The following ADAMTS18 variants were observed in gnomAD, a reference collection of about 807,000 sequenced individuals.
ADAMTS18 encodes the protein A disintegrin and metalloproteinase with thrombospondin motifs 18.
Under a neutral mutation model 165.9 loss-of-function variants are expected in ADAMTS18, and 157 were observed. The ratio of observed to expected loss-of-function variants is 0.95; its 90% confidence interval spans 0.83 to 1.08. The LOEUF (loss-of-function observed/expected upper bound fraction) is 1.08. Ranked by LOEUF, ADAMTS18 falls within the 50% of genes least tolerant of loss-of-function variation. ADAMTS18 has a pLI of 0.00. For synonymous variants in ADAMTS18, 782 were observed against 578.2 expected (o/e 1.35, Z -5.06); for missense variants, 2,040 against 1,534.0 (o/e 1.33, Z -5.51).
At chr16:77,430,958 C>G (rs1344155847) in intron 3 of ADAMTS18, among the ~76,000 whole-genome samples, 1 of 152,142 alleles carries the variant, frequency 6.6e-6, no homozygotes, top group Non-Finnish European at 1.5e-5. Context: ...ACGCATGAAG[C>G]TTGTTAGATT....
chr16:77,334,693 A>ATG (rs2056264368), intron 12 of ADAMTS18, among the ~76,000 whole-genome samples: 1 of 93,106 alleles, frequency 1.1e-5, no homozygotes, highest in Admixed American at 1.2e-4. Context: ...ATATATATAT[A>ATG]GTATATATAT....
intron 22 of ADAMTS18, 69 bp downstream of exon 22, chr16:77,289,195 T>G (rs1398849746): frequency 1.3e-6 from 2 of 1,588,334 alleles, no homozygotes; most frequent in Admixed American, 1.7e-5. Flanking sequence ...GCTGCACTAC[T>G]AACAAAGTAG....
At position 77,434,750 on chromosome 16, in the gene ADAMTS18, C is replaced by G. The variant is rs886198469; in HGVS notation, c.-55G>C. On this transcript the variant is annotated 5_prime_UTR_variant, in exon 1 of 23. Transcript: ENST00000282849. ...GGCCAGACGCGGCAGGCGGAGCGCA[C>G]GGGCGGCGCGCATTCTTTCCGCGGC... The G allele has an allele frequency of 6.0e-6, 8 of 1,336,290 alleles. No individual in the cohort carries two copies. Among genetic ancestry groups the G allele is most frequent in the Non-Finnish European group, 7.7e-6 (8 of 1,036,198 alleles). The allele number at this position is 1,336,290 out of a possible 1,614,324, so 82.8% of individuals were successfully genotyped here.
Position 77,314,787 on chromosome 16 carries a change from A to ATATATATATATATATATATATATAT in ADAMTS18, c.2532+5061_2532+5062insATATATATATATATATATATATATA, listed in dbSNP as rs1567474883. Among the ~76,000 whole-genome samples the ATATATATATATATATATATATATAT allele has an allele frequency of 9.9e-4, 49 of 49,336 alleles. 2 individuals carry two copies. The highest frequency in any genetic ancestry group is 1.7e-3 in the African/African-American group (22 of 12,836). The allele number at this position is 49,336 out of a possible 152,430, so 32.4% of individuals were successfully genotyped here. A position where few individuals can be genotyped will look rare whatever the true frequency, so the allele number is the denominator to read the frequency against. ...ATATATATATATATATATATATATA[A>ATATATATATATATATATATATATAT]AATATATGTGATATGCTCAGAAGGC... On this transcript the variant is annotated intron_variant, in intron 16 of 22. Transcript: ENST00000282849.
At chr16:77,416,532 C>G (rs566416885) in intron 3 of ADAMTS18, among the ~76,000 whole-genome samples, 15 of 152,188 alleles carry the variant, frequency 9.9e-5, no homozygotes, top group African/African-American at 3.6e-4. Context: ...AATGGGAGTT[C>G]CCCTGCACAA....
At chr16:77,388,707 C>T (rs865964183) in intron 3 of ADAMTS18, among the ~76,000 whole-genome samples, 4 of 152,280 alleles carry the variant, frequency 2.6e-5, no homozygotes, top group Admixed American at 2.0e-4. Context: ...TGCTGCTTCA[C>T]GGTCTGAAAA....
intron 21 of ADAMTS18, chr16:77,290,814 C>T (rs772540334): frequency 5.3e-6 from 1 of 189,716 alleles, no homozygotes; most frequent in Non-Finnish European, 1.1e-5. Flanking sequence ...CATACTACCC[C>T]TGAATAGGAG....
At chr16:77,284,882 G>A (rs766320791) in intron 22 of ADAMTS18, among the ~76,000 whole-genome samples, 2 of 152,134 alleles carry the variant, frequency 1.3e-5, no homozygotes, top group Non-Finnish European at 2.9e-5. Flanking sequence ...GAAGCCTGAT[G>A]TATTGGGAGT....
At chr16:77,400,424 TTG>T (rs145473637) in intron 3 of ADAMTS18, among the ~76,000 whole-genome samples, 12,235 of 135,788 alleles carry the variant, frequency 0.09, 655 homozygotes, top group Non-Finnish European at 0.12. Context: ...TCAGGGGGAA[TTG>T]TGTGTGTGTG....
chr16:77,300,057 T>G (rs930880673), intron 17 of ADAMTS18: 16 of 568,232 alleles, frequency 2.8e-5, no homozygotes, highest in African/African-American at 9.4e-5. Flanking sequence ...TTGGTTGTGG[T>G]TGATTTGAGC....
chr16:77,373,525 CA>C (rs2056907069), intron 3 of ADAMTS18, among the ~76,000 whole-genome samples: 1 of 150,316 alleles, frequency 6.7e-6, no homozygotes, highest in Non-Finnish European at 1.5e-5. Context: ...CATGCAAAGG[CA>C]TAAGAATGAT....
chr16:77,282,851 T>C lies in ADAMTS18; in HGVS notation c.*1105A>G, dbSNP rs1194602551. The C allele has an allele frequency of 6.6e-6, 1 of 151,630 alleles. No individual in the cohort carries two copies. Among genetic ancestry groups the C allele is most frequent in the Admixed American group, 6.6e-5 (1 of 15,166 alleles). The allele number at this position is 151,630 out of a possible 1,614,324, so 9.4% of individuals were successfully genotyped here. A position where few individuals can be genotyped will look rare whatever the true frequency, so the allele number is the denominator to read the frequency against. On this transcript the variant is annotated 3_prime_UTR_variant, in exon 23 of 23. Coordinates refer to ENST00000282849, the MANE Select transcript of ADAMTS18 (RefSeq NM_199355.4). ...ATATTATGATTTATTAATATTAACA[T>C]AGCAAGAAGACAGATGGATTTTTTT...
chr16:77,385,002 C>A (rs921734593), intron 3 of ADAMTS18, among the ~76,000 whole-genome samples: 2 of 151,936 alleles, frequency 1.3e-5, no homozygotes, highest in African/African-American at 4.8e-5. Context: ...CTCCGCTTCC[C>A]AGGTTCAAGC....
chr16:77,338,157 G>A (rs1186445310), intron 11 of ADAMTS18, among the ~76,000 whole-genome samples: 1 of 152,028 alleles, frequency 6.6e-6, no homozygotes, highest in Non-Finnish European at 1.5e-5. Context: ...ACCCACCTTG[G>A]CCTCCGAAAG....
At chr16:77,344,065 A>G (rs1255995502) in intron 10 of ADAMTS18, among the ~76,000 whole-genome samples, 1 of 151,076 alleles carries the variant, frequency 6.6e-6, no homozygotes, top group East Asian at 1.9e-4. Flanking sequence ...ACTCAAAAAA[A>G]AAAGCTTTCC....
intron 13 of ADAMTS18, among the ~76,000 whole-genome samples, chr16:77,324,771 G>C (rs2056063963): frequency 1.3e-5 from 2 of 152,176 alleles, no homozygotes; most frequent in African/African-American, 4.8e-5. Flanking sequence ...GAAATAAATT[G>C]AACATCCTTC....
chr16:77,359,621 T>C (rs115062115), intron 7 of ADAMTS18, among the ~76,000 whole-genome samples, 198 bp from the exon 8 acceptor site: 1,561 of 152,318 alleles, frequency 0.01, 26 homozygotes, highest in African/African-American at 0.035. Context: ...ACATTTCCTA[T>C]TTTCTTGCTT....
chr16:77,386,135 T>C (rs1233977594), intron 3 of ADAMTS18, among the ~76,000 whole-genome samples: 1 of 152,172 alleles, frequency 6.6e-6, no homozygotes, highest in Non-Finnish European at 1.5e-5. Context: ...TGATACAAAG[T>C]ACAATTTCTG....
rs141721473 is a variant in ADAMTS18 at position 77,352,985 on chromosome 16, C to T, written c.1614+748G>A. 1.6e-3 allele frequency among the ~76,000 whole-genome samples: 242 copies of T among 151,972 alleles called. 2 individuals are homozygous for T. The highest frequency in any genetic ancestry group is 5.6e-3 in the African/African-American group (231 of 41,488). On this transcript the variant is annotated intron_variant, in intron 10 of 22. Transcript: ENST00000282849. ...ATGGTGGCTACTCAGGAGGCTGAGG[C>T]GGGAGAATGGCATGAACCTGGGAGG...
Sources: allele counts gnomAD v4.1 joint callset (sites outside exome capture counted in the v4.1 genomes callset), GRCh38; gene constraint gnomAD v4.1.1; transcripts MANE v1.5; gene names NCBI Gene and HGNC (gene_info 2026-07-23, HGNC 2026-07-21).